SLC25A28: variants seen among roughly 807,000 people sequenced by gnomAD.
SLC25A28 encodes solute carrier family 25 member 28, also known as mitoferrin-2.
In SLC25A28, 10 loss-of-function variants were observed where a neutral mutation model predicts 31.9. The ratio of observed to expected loss-of-function variants is 0.31; its 90% confidence interval spans 0.19 to 0.53. The LOEUF (loss-of-function observed/expected upper bound fraction) is 0.53. Ranked by LOEUF, SLC25A28 falls within the 20% of genes least tolerant of loss-of-function variation. The pLI, the probability that SLC25A28 is intolerant of heterozygous loss-of-function variation, is 0.95. For missense variants in SLC25A28, 256 were observed against 490.3 expected (o/e 0.52, Z 4.51); for synonymous variants, 208 against 203.6 (o/e 1.02, Z -0.19).
the SLC25A28 span, among the ~76,000 whole-genome samples, chr10:99,643,282 G>T: frequency 6.6e-6 from 1 of 152,102 alleles, no homozygotes; most frequent in Non-Finnish European, 1.5e-5. Flanking sequence ...ACTTCTTGCT[G>T]GTTTAGTCTT....
the SLC25A28 span, among the ~76,000 whole-genome samples, chr10:99,640,664 C>A: frequency 6.6e-6 from 1 of 152,002 alleles, no homozygotes; most frequent in Admixed American, 6.6e-5. Flanking sequence ...GTGCTGCACC[C>A]ATTAACTTGT....
the SLC25A28 span, among the ~76,000 whole-genome samples, chr10:99,635,064 A>G: frequency 0.84 from 127,820 of 152,168 alleles, 53,937 homozygotes; most frequent in Middle Eastern, 0.92. Flanking sequence ...TATATGAAGG[A>G]AAGATACAGC....
chr10:99,619,116 G>A (rs1307128869), intron 1 of SLC25A28: 14 of 985,220 alleles, frequency 1.4e-5, no homozygotes, highest in Non-Finnish European at 1.7e-5. Flanking sequence ...TCTTCACCCA[G>A]CTTTCTTCAG....
Position 99,611,370 on chromosome 10 carries a change from G to A in SLC25A28, c.578-4C>T. ...ATCTGCATCCTCTGCTTGACCACTA[G>A]TAGTGCCATCAACGAGGAAGGAAAT... On this transcript the variant is annotated splice_polypyrimidine_tract_variant and splice_region_variant and intron_variant, in intron 3 of 3. Coordinates refer to ENST00000370495, the MANE Select transcript of SLC25A28 (RefSeq NM_031212.4). The surrounding 1 kb of genome is among the most constrained non-coding windows in gnomAD (Gnocchi z 5.5). 1 of 1,612,474 alleles carries A rather than the reference G, an allele frequency of 6.2e-7. No homozygotes were observed. Among genetic ancestry groups the A allele is most frequent in the Non-Finnish European group, 8.5e-7 (1 of 1,178,764 alleles).
At chr10:99,657,580 C>CA in the SLC25A28 span, among the ~76,000 whole-genome samples, 3 of 151,534 alleles carry the variant, frequency 2.0e-5, no homozygotes, top group East Asian at 1.9e-4. Flanking sequence ...GTAGTGGAGC[C>CA]AAAAAAACAA....
At chr10:99,654,218 G>A in the SLC25A28 span, among the ~76,000 whole-genome samples, 1 of 152,082 alleles carries the variant, frequency 6.6e-6, no homozygotes, top group African/African-American at 2.4e-5. Flanking sequence ...ACACATATCA[G>A]GAGACTACAG....
At position 99,613,224 on chromosome 10, in the gene SLC25A28, G is replaced by T. The variant is rs1420065318; in HGVS notation, c.520+472C>A. 6.6e-6 allele frequency among the ~76,000 whole-genome samples: 1 copy of T among 152,136 alleles called. No individual in the cohort carries two copies. The highest frequency in any genetic ancestry group is 1.5e-5 in the Non-Finnish European group (1 of 68,028). ...CCACCCCCATTCATTTTGTCATGAG[G>T]CTTTGTCATGTTCTCAACACAAACT... On this transcript the variant is annotated intron_variant, in intron 2 of 3. Transcript: ENST00000370495. This position sits in a 1 kb window ranked among gnomAD's most constrained non-coding sequence, Gnocchi z 4.9.
the SLC25A28 span, among the ~76,000 whole-genome samples, chr10:99,644,993 C>T: frequency 2.0e-5 from 3 of 152,258 alleles, no homozygotes; most frequent in South Asian, 6.2e-4. Flanking sequence ...AACATTTTTT[C>T]CTTCATTTCT....
At chr10:99,646,386 G>T in the SLC25A28 span, among the ~76,000 whole-genome samples, 1 of 152,214 alleles carries the variant, frequency 6.6e-6, no homozygotes, top group Non-Finnish European at 1.5e-5. Context: ...CTCCTGGTGT[G>T]CCCTTTGCTA....
rs1354763212 is a variant in SLC25A28, at chr10:99,613,314, T to TTGGG, written c.520+378_520+381dup. On this transcript the variant is annotated intron_variant, in intron 2 of 3. Transcript: ENST00000370495. This position sits in a 1 kb window ranked among gnomAD's most constrained non-coding sequence, Gnocchi z 4.9. ...AGCAGGGGCTTCATTAGTATCTTCC[T>TTGGG]TGGGTGGCTGGCTGGGTCGCCTCCA... The TTGGG allele has an allele frequency of 3.3e-6, 3 of 906,428 alleles. No individual in the cohort carries two copies. In the African/African-American group the frequency reaches 5.4e-5, roughly 16 times the overall value. The allele number at this position is 906,428 out of a possible 1,614,324, so 56.1% of individuals were successfully genotyped here. A position where few individuals can be genotyped will look rare whatever the true frequency, so the allele number is the denominator to read the frequency against.
At chr10:99,631,876 T>C in the SLC25A28 span, among the ~76,000 whole-genome samples, 1 of 79,800 alleles carries the variant, frequency 1.3e-5, no homozygotes, top group South Asian at 4.8e-4. Context: ...GCTCAGTATG[T>C]TATTTTTTTT....
At chr10:99,631,877 T>TA in the SLC25A28 span, among the ~76,000 whole-genome samples, 2 of 98,314 alleles carry the variant, frequency 2.0e-5, no homozygotes, top group African/African-American at 7.5e-5. Context: ...CTCAGTATGT[T>TA]ATTTTTTTTT....
chr10:99,636,776 G>C, the SLC25A28 span, among the ~76,000 whole-genome samples: 2 of 152,178 alleles, frequency 1.3e-5, no homozygotes, highest in Non-Finnish European at 2.9e-5. Context: ...GTTACAAGCA[G>C]TGAGATTGAA....
At position 99,611,364 on chromosome 10, in the gene SLC25A28, C is replaced by T; in HGVS notation, c.580G>A (p.Val194Ile). 1 of 1,613,800 alleles carries T rather than the reference C, an allele frequency of 6.2e-7. No homozygotes were observed. Among genetic ancestry groups the T allele is most frequent in the Non-Finnish European group, 8.5e-7 (1 of 1,179,852 alleles). ...TTGTACATCTGCATCCTCTGCTTGA[C>T]CACTAGTAGTGCCATCAACGAGGAA... ...HDAAMNPAEV[V>I]KQRMQMYNSP... The change falls in exon 4 of 4, where the codon GTC becomes ATC. Residue 194 changes from valine (V) to isoleucine (I), a missense_variant and splice_region_variant. Physicochemically the swap from Val to Ile is conservative, Grantham distance 29. Coordinates refer to ENST00000370495, the MANE Select transcript of SLC25A28 (RefSeq NM_031212.4). This position sits in a 1 kb window ranked among gnomAD's most constrained non-coding sequence, Gnocchi z 5.5.
the SLC25A28 span, among the ~76,000 whole-genome samples, chr10:99,633,469 G>A: frequency 6.6e-6 from 1 of 152,136 alleles, no homozygotes; most frequent in Admixed American, 6.5e-5. Context: ...GCTGAGGCAG[G>A]TGGATCACCT....
At chr10:99,624,666 C>T (rs1322821837), upstream of SLC25A28, among the ~76,000 whole-genome samples, 1 of 152,116 alleles carries the variant, frequency 6.6e-6, no homozygotes, top group Non-Finnish European at 1.5e-5. Context: ...GAAACCCTGT[C>T]TCTACTAAAA....
rs2034591665 is a variant in SLC25A28 at position 99,613,983 on chromosome 10, A to C, written c.292-59T>G. The stretch of plus-strand genomic sequence containing the variant: ...CAATGCCAACTTCTCGCCCCACCTC[A>C]ACACACTGGGCAGACCTTCTACATG... On this transcript the variant is annotated intron_variant, in intron 1 of 3. Transcript: ENST00000370495. The surrounding 1 kb of genome is among the most constrained non-coding windows in gnomAD (Gnocchi z 4.9). The C allele has an allele frequency of 6.7e-7, 1 of 1,499,752 alleles. No homozygotes were observed. The highest frequency in any genetic ancestry group is 1.4e-5 in the African/African-American group (1 of 72,016). 92.9% of individuals were successfully genotyped at this position (1,499,752 alleles called of 1,614,324 possible). A position where few individuals can be genotyped will look rare whatever the true frequency, so the allele number is the denominator to read the frequency against.
At chr10:99,646,952 G>C in the SLC25A28 span, among the ~76,000 whole-genome samples, 3 of 152,158 alleles carry the variant, frequency 2.0e-5, no homozygotes, top group African/African-American at 7.2e-5. Context: ...TTTCACTTAG[G>C]ATAGTGGCTT....
At chr10:99,657,617 T>C in the SLC25A28 span, among the ~76,000 whole-genome samples, 5 of 152,060 alleles carry the variant, frequency 3.3e-5, no homozygotes, top group Admixed American at 3.3e-4. Flanking sequence ...ATATAGAAAC[T>C]GGACAATGGC....
Sources: gnomAD v4.1 joint callset for allele counts (sites outside exome capture counted in the v4.1 genomes callset) on GRCh38, gnomAD v4.1.1 for gene constraint, Gnocchi (gnomAD v3.1) non-coding constraint, MANE v1.5 for transcripts, NCBI Gene and HGNC (gene_info 2026-07-23, HGNC 2026-07-21) for gene names.